AKAP10: variants seen among roughly 807,000 people sequenced by gnomAD.
The protein encoded by AKAP10 is A-kinase anchor protein 10, mitochondrial.
AKAP10 carries 24 observed loss-of-function variants against 80.8 expected under a neutral mutation model. The ratio of observed to expected loss-of-function variants is 0.30; its 90% CI spans 0.22 to 0.42. AKAP10 has a LOEUF of 0.42. Among genes scored for constraint, AKAP10 ranks in the 10% least tolerant of loss-of-function variants. AKAP10 has a pLI of 1.00. For missense variants in AKAP10, 661 were observed against 794.9 expected (o/e 0.83, Z 2.03); for synonymous variants, 291 against 277.7 (o/e 1.05, Z -0.48).
At chr17:19,938,980 C>T (rs1017938176) in intron 8 of AKAP10, among the ~76,000 whole-genome samples, 7 of 152,144 alleles carry the variant, frequency 4.6e-5, no homozygotes, top group Non-Finnish European at 7.3e-5. Context: ...GATTCACCTG[C>T]CTCTGCCTCT....
rs527987427 is a variant in AKAP10, at chr17:19,956,466, A to G, written c.877+1548T>C. Among the ~76,000 whole-genome samples, 18 of 152,338 alleles carry G rather than the reference A, an allele frequency of 1.2e-4. No homozygotes were observed. In the East Asian group the frequency reaches 3.5e-3, roughly 29 times the overall value. On this transcript the variant is annotated intron_variant, in intron 4 of 14. Coordinates refer to ENST00000225737, the MANE Select transcript of AKAP10 (RefSeq NM_007202.4). ...AGACAAATATACATTTAATAAAACT[A>G]AATAAATAAAAGATGGGATCAAAAG...
At chr17:19,957,326 A>T (rs2152417522) in intron 4 of AKAP10, among the ~76,000 whole-genome samples, 1 of 152,006 alleles carries the variant, frequency 6.6e-6, no homozygotes, top group Admixed American at 6.6e-5. Flanking sequence ...CGGATCACAA[A>T]GTCAGGAGAT....
chr17:19,942,756 T>C (rs1358398112), intron 5 of AKAP10, among the ~76,000 whole-genome samples: 1 of 152,212 alleles, frequency 6.6e-6, no homozygotes, highest in Non-Finnish European at 1.5e-5. Context: ...TGATGCCTAG[T>C]CTCACTTTGT....
At chr17:19,914,570 A>G (rs975198643) in intron 12 of AKAP10, among the ~76,000 whole-genome samples, 1 of 149,628 alleles carries the variant, frequency 6.7e-6, no homozygotes, top group Non-Finnish European at 1.5e-5. Context: ...TGAGCCCAAG[A>G]AGATGAGGCT....
chr17:19,911,596 T>C (rs1057102946), intron 12 of AKAP10, among the ~76,000 whole-genome samples: 4 of 152,062 alleles, frequency 2.6e-5, no homozygotes, highest in Non-Finnish European at 5.9e-5. Flanking sequence ...TTCAGAACTT[T>C]GGGTGGCTGA....
chr17:19,939,670 G>A (rs1809546132), intron 8 of AKAP10, 43 bp downstream of exon 8: 13 of 1,586,352 alleles, frequency 8.2e-6, no homozygotes, highest in Non-Finnish European at 1.1e-5. Flanking sequence ...CATATCAAAT[G>A]TTCAATAAGT....
At chr17:19,938,387 C>A (rs942803416) in intron 8 of AKAP10, among the ~76,000 whole-genome samples, 6 of 151,688 alleles carry the variant, frequency 4.0e-5, no homozygotes, top group Admixed American at 4.0e-4. Context: ...CAGGTGTGTG[C>A]CATCATGCCT....
chr17:19,941,410 A>T (rs764667573), intron 6 of AKAP10, among the ~76,000 whole-genome samples: 46 of 152,214 alleles, frequency 3.0e-4, no homozygotes, highest in Non-Finnish European at 5.4e-4. Flanking sequence ...AAACCTCTGG[A>T]GCCATTTCAA....
At chr17:19,977,118 C>A (rs1356031270) in intron 1 of AKAP10, among the ~76,000 whole-genome samples, 1 of 152,062 alleles carries the variant, frequency 6.6e-6, no homozygotes. Flanking sequence ...TTAGTAACAG[C>A]AGTAACTACC....
At chr17:19,938,748 G>A (rs1244163156) in intron 8 of AKAP10, among the ~76,000 whole-genome samples, 1 of 111,400 alleles carries the variant, frequency 9.0e-6, no homozygotes, top group African/African-American at 3.5e-5. Flanking sequence ...TTTTTTTTTT[G>A]GAGACAGGGT....
chr17:19,947,075 C>T (rs542180182), intron 5 of AKAP10: 69 of 253,714 alleles, frequency 2.7e-4, no homozygotes, highest in African/African-American at 1.4e-3. Flanking sequence ...CCGCCCACTT[C>T]GTGCACTGGT....
chr17:19,921,261 G>A (rs865894274), intron 11 of AKAP10, among the ~76,000 whole-genome samples: 33 of 151,644 alleles, frequency 2.2e-4, no homozygotes, highest in African/African-American at 6.5e-4. Flanking sequence ...TCCACCTCCC[G>A]GGTTCAAGTG....
chr17:19,915,829 CCTACA>C (rs981086167), intron 12 of AKAP10, among the ~76,000 whole-genome samples: 8 of 152,242 alleles, frequency 5.3e-5, no homozygotes, highest in African/African-American at 1.7e-4. Context: ...TTCTTGAAGC[CCTACA>C]CTAAATTTTC....
intron 14 of AKAP10, among the ~76,000 whole-genome samples, chr17:19,907,093 C>T (rs2042639291): frequency 1.3e-5 from 2 of 151,946 alleles, no homozygotes; most frequent in Non-Finnish European, 2.9e-5. Context: ...TCTCAGCTCA[C>T]CGCAACCTCT....
intron 4 of AKAP10, among the ~76,000 whole-genome samples, chr17:19,952,991 G>T (rs2043232068): frequency 6.6e-6 from 1 of 151,866 alleles, no homozygotes; most frequent in Admixed American, 6.6e-5. Flanking sequence ...ACTGTATGTG[G>T]TATATTCACA....
intron 12 of AKAP10, among the ~76,000 whole-genome samples, chr17:19,916,743 C>T (rs570359444): frequency 1.1e-4 from 17 of 150,798 alleles, no homozygotes; most frequent in African/African-American, 4.1e-4. Context: ...CGAGACCATC[C>T]TGGCTAATGC....
chr17:19,959,452 G>A (rs895209520), intron 3 of AKAP10, among the ~76,000 whole-genome samples: 1 of 152,162 alleles, frequency 6.6e-6, no homozygotes, highest in Non-Finnish European at 1.5e-5. Flanking sequence ...TTTCAGTCCA[G>A]TAATTCCACT....
chr17:19,942,614 T>C (rs924160135), intron 5 of AKAP10, among the ~76,000 whole-genome samples: 2 of 152,202 alleles, frequency 1.3e-5, no homozygotes, highest in Non-Finnish European at 2.9e-5. Context: ...TGTAAAAAAG[T>C]TTATTAAAAT....
chr17:19,906,113 A>G lies in AKAP10; in HGVS notation c.*114T>C. 8.4e-7 allele frequency: 1 copy of G among 1,185,422 alleles called. No individual in the cohort carries two copies. Among genetic ancestry groups the G allele is most frequent in the Non-Finnish European group, 1.2e-6 (1 of 819,894 alleles). 73.4% of individuals were successfully genotyped at this position (1,185,422 alleles called of 1,614,324 possible). A position where few individuals can be genotyped will look rare whatever the true frequency, so the allele number is the denominator to read the frequency against. ...TCTCCCATTCTCTCCTGGAAACAAC[A>G]GTGACAGATCAGAAATATAGTGCTG... On this transcript the variant is annotated 3_prime_UTR_variant, in exon 15 of 15. Transcript: ENST00000225737.
Sources: allele counts gnomAD v4.1 joint callset (sites outside exome capture counted in the v4.1 genomes callset), GRCh38; gene constraint gnomAD v4.1.1; transcripts MANE v1.5; gene names NCBI Gene and HGNC (gene_info 2026-07-23, HGNC 2026-07-21).